Variants in RAB14 observed in about 807,000 individuals in gnomAD.
RAB14 encodes the protein RAB14, member RAS oncogene family, also known as ras-related protein Rab-14.
In RAB14, 3 loss-of-function variants were observed where a neutral mutation model predicts 31.1. The ratio of observed to expected loss-of-function variants is 0.10; its 90% CI spans 0.04 to 0.25. The LOEUF (loss-of-function observed/expected upper bound fraction) is 0.25. Ranked by LOEUF, RAB14 falls within the 10% of genes least tolerant of loss-of-function variation. RAB14 has a pLI of 1.00. For synonymous variants in RAB14, 85 were observed against 84.9 expected (o/e 1.00, Z 0.00); for missense variants, 111 against 260.1 (o/e 0.43, Z 3.94).
chr9:121,189,893 G>A (rs2053677564), intron 4 of RAB14, among the ~76,000 whole-genome samples: 1 of 152,094 alleles, frequency 6.6e-6, no homozygotes, highest in East Asian at 1.9e-4. Context: ...TAGACAAACA[G>A]TGCAGGGTCT....
At chr9:121,183,502 C>T in intron 5 of RAB14, 104 bp from the exon 6 acceptor site, 1 of 870,878 alleles carries the variant, frequency 1.1e-6, no homozygotes, top group Non-Finnish European at 1.8e-6. Context: ...AATGACTGGG[C>T]CTAAAAAGAA....
intron 1 of RAB14, among the ~76,000 whole-genome samples, chr9:121,194,442 A>G (rs2053704249): frequency 6.6e-6 from 1 of 152,194 alleles, no homozygotes; most frequent in Non-Finnish European, 1.5e-5. Flanking sequence ...AGAAAACAAA[A>G]AACTTTCCAA....
rs757500645 is a variant in RAB14, at chr9:121,181,582, C to A, written c.471-9G>T. 1.3e-6 allele frequency: 2 copies of A among 1,594,488 alleles called. No homozygotes were observed. Among genetic ancestry groups the A allele is most frequent in the Non-Finnish European group, 1.7e-6 (2 of 1,164,646 alleles). On this transcript the variant is annotated splice_polypyrimidine_tract_variant and intron_variant, in intron 7 of 7. Coordinates refer to ENST00000373840, the MANE Select transcript of RAB14 (RefSeq NM_016322.4). Reference sequence around the variant, plus strand: ...CTTCTACATTCTCTCCCCTAAGAGGCAATTGATAACTTTATTGGAGAACCA... The same window carrying A: ...CTTCTACATTCTCTCCCCTAAGAGGAAATTGATAACTTTATTGGAGAACCA...
intron 1 of RAB14, among the ~76,000 whole-genome samples, chr9:121,196,013 A>T (rs1255656132): frequency 3.3e-5 from 5 of 152,266 alleles, no homozygotes; most frequent in African/African-American, 1.2e-4. Context: ...TGTTAAGGTG[A>T]GGAATATATT....
intron 1 of RAB14, among the ~76,000 whole-genome samples, chr9:121,197,266 A>T (rs947386883): frequency 1.1e-4 from 17 of 152,166 alleles, no homozygotes; most frequent in African/African-American, 4.1e-4. Flanking sequence ...TAATATGCTT[A>T]ATATTGCTTT....
At chr9:121,183,089 T>A in intron 6 of RAB14, 129 bp from the exon 7 acceptor site, 1 of 941,584 alleles carries the variant, frequency 1.1e-6, no homozygotes, top group Non-Finnish European at 1.6e-6. Flanking sequence ...TGAAAAAGTA[T>A]GTAAGTTTGA....
At chr9:121,182,715 A>G (rs988414219) in intron 7 of RAB14, among the ~76,000 whole-genome samples, 3 of 152,254 alleles carry the variant, frequency 2.0e-5, no homozygotes, top group African/African-American at 7.2e-5. Flanking sequence ...CAACAGGCAT[A>G]ATCAAGGTAC....
At chr9:121,198,445 T>A (rs2053730840) in intron 1 of RAB14, among the ~76,000 whole-genome samples, 1 of 152,210 alleles carries the variant, frequency 6.6e-6, no homozygotes, top group Admixed American at 6.5e-5. Flanking sequence ...TTTTAAAAAC[T>A]GTTATACAGC....
chr9:121,190,800 ATCCAC>A, intron 3 of RAB14, 69 bp from the exon 4 acceptor site: 1 of 1,470,878 alleles, frequency 6.8e-7, no homozygotes. Context: ...GAGGGGGAAA[ATCCAC>A]TAAATAAGCA....
chr9:121,190,542 A>G lies in RAB14; in HGVS notation c.284+12T>C. 1 of 1,555,796 alleles carries G rather than the reference A, an allele frequency of 6.4e-7. No individual in the cohort carries two copies. Among genetic ancestry groups the G allele is most frequent in the Non-Finnish European group, 8.7e-7 (1 of 1,150,196 alleles). Reference sequence around the variant, plus strand: ...ATTTTCCCCATATGAAGGTTGAAAAATTATCTCTTACCTAGTGATATCATA... The same window carrying G: ...ATTTTCCCCATATGAAGGTTGAAAAGTTATCTCTTACCTAGTGATATCATA... On this transcript the variant is annotated intron_variant, in intron 4 of 7. Coordinates refer to ENST00000373840, the MANE Select transcript of RAB14 (RefSeq NM_016322.4).
chr9:121,188,525 TGG>T (rs2053669916), intron 4 of RAB14, among the ~76,000 whole-genome samples: 1 of 151,532 alleles, frequency 6.6e-6, no homozygotes, highest in African/African-American at 2.4e-5. Flanking sequence ...AAATATTAAT[TGG>T]TGGTACTAGT....
intron 7 of RAB14, among the ~76,000 whole-genome samples, chr9:121,181,982 G>A (rs1172388573): frequency 3.3e-5 from 5 of 151,920 alleles, no homozygotes; most frequent in African/African-American, 9.7e-5. Flanking sequence ...TCCTGACCTC[G>A]TGATCCGCCT....
Position 121,179,705 on chromosome 9 carries a change from C to CT in RAB14, c.*1690dup, listed in dbSNP as rs1364126233. 6.6e-6 allele frequency: 1 copy of CT among 152,668 alleles called. No homozygotes were observed. The highest frequency in any genetic ancestry group is 1.5e-5 in the Non-Finnish European group (1 of 68,042). The allele number at this position is 152,668 out of a possible 1,614,324, so 9.5% of individuals were successfully genotyped here. On this transcript the variant is annotated 3_prime_UTR_variant, in exon 8 of 8. Coordinates refer to ENST00000373840, the MANE Select transcript of RAB14 (RefSeq NM_016322.4). ...GAATCCACAAATTAACCAAAGCCTA[C>CT]TTTCTGCACATTCCAGTTTTGGCTT...
At chr9:121,186,538 G>A (rs967647429) in intron 5 of RAB14, among the ~76,000 whole-genome samples, 2 of 152,066 alleles carry the variant, frequency 1.3e-5, no homozygotes, top group Admixed American at 6.6e-5. Flanking sequence ...TTCTCCTCCT[G>A]TAGTTGAAAT....
At chr9:121,200,086 G>C (rs1226780176) in intron 1 of RAB14, among the ~76,000 whole-genome samples, 2 of 152,216 alleles carry the variant, frequency 1.3e-5, no homozygotes, top group African/African-American at 4.8e-5. Flanking sequence ...AGGACACTGA[G>C]TCCGAAAGGT....
In RAB14 at chr9:121,181,373, G is replaced by A; in HGVS notation, c.*23C>T. 2 of 1,562,258 alleles carry A rather than the reference G, an allele frequency of 1.3e-6. No individual in the cohort carries two copies. Among genetic ancestry groups the A allele is most frequent in the Non-Finnish European group, 8.7e-7 (1 of 1,144,222 alleles). ...AACAGACAGAGGTGAAAGGTCAAAT[G>A]AGGGGCCACAGCAAAGAGGTCACTA... On this transcript the variant is annotated 3_prime_UTR_variant, in exon 8 of 8. Transcript: ENST00000373840.
chr9:121,195,371 C>T (rs1476760279), intron 1 of RAB14, among the ~76,000 whole-genome samples: 1 of 152,038 alleles, frequency 6.6e-6, no homozygotes, highest in Non-Finnish European at 1.5e-5. Flanking sequence ...TTCCTAATTT[C>T]TTTCCCTCTT....
At chr9:121,187,912 A>C (rs1302075348) in intron 4 of RAB14, among the ~76,000 whole-genome samples, 7 of 152,038 alleles carry the variant, frequency 4.6e-5, no homozygotes, top group Admixed American at 2.6e-4. Flanking sequence ...TGGTGTCAAA[A>C]TCAGGCCTAG....
At chr9:121,193,007 T>A (rs2053695339) in intron 2 of RAB14, among the ~76,000 whole-genome samples, 2 of 152,244 alleles carry the variant, frequency 1.3e-5, no homozygotes, top group Middle Eastern at 6.8e-3. Flanking sequence ...TCTCTACCAA[T>A]TTTTCCTTAT....
Sources: gnomAD v4.1 joint callset for allele counts (sites outside exome capture counted in the v4.1 genomes callset) on GRCh38, gnomAD v4.1.1 for gene constraint, MANE v1.5 for transcripts, NCBI Gene and HGNC (gene_info 2026-07-23, HGNC 2026-07-21) for gene names.